LRRN1: variants seen among roughly 807,000 people sequenced by gnomAD.
The protein encoded by LRRN1 is leucine-rich repeat neuronal protein 1.
A neutral mutation model predicts 45.8 loss-of-function variants in LRRN1; 14 were observed. That is an observed-to-expected ratio of 0.31 (90% CI 0.20 to 0.48). LRRN1 has a LOEUF of 0.48. Ranked by LOEUF, LRRN1 falls within the 20% of genes least tolerant of loss-of-function variation. LRRN1 has a pLI of 0.99. For missense variants in LRRN1, 789 were observed against 874.2 expected, an observed-to-expected ratio of 0.90 and a Z score of 1.23; for synonymous variants, 359 against 330.1, an observed-to-expected ratio of 1.09 and a Z score of -0.95.
At chr3:3,812,535 C>T (rs1202466597) in intron 1 of LRRN1, among the ~76,000 whole-genome samples, 1 of 152,132 alleles carries the variant, frequency 6.6e-6, no homozygotes, top group Non-Finnish European at 1.5e-5. Flanking sequence ...TTCCAAAGTG[C>T]ACTTGGAGTT....
At chr3:3,826,825 G>A (rs772424028) in intron 1 of LRRN1, among the ~76,000 whole-genome samples, 12 of 152,240 alleles carry the variant, frequency 7.9e-5, no homozygotes, top group African/African-American at 1.9e-4. Flanking sequence ...CAGATTCAGC[G>A]TTCAGATCGT....
At chr3:3,813,278 C>T (rs1692918711) in intron 1 of LRRN1, among the ~76,000 whole-genome samples, 1 of 152,126 alleles carries the variant, frequency 6.6e-6, no homozygotes, top group African/African-American at 2.4e-5. Context: ...ATTGATTTGT[C>T]CTCAGTGGAG....
chr3:3,812,107 T>C (rs1227239772), intron 1 of LRRN1, among the ~76,000 whole-genome samples: 1 of 152,220 alleles, frequency 6.6e-6, no homozygotes, highest in Non-Finnish European at 1.5e-5. Context: ...TTGGCAGATA[T>C]CTACAGCCCC....
intron 1 of LRRN1, among the ~76,000 whole-genome samples, chr3:3,830,727 G>A (rs936240836): frequency 6.6e-5 from 10 of 152,280 alleles, no homozygotes; most frequent in East Asian, 1.9e-4. Flanking sequence ...GCCCGATCAT[G>A]TATATACCAC....
In LRRN1 at chr3:3,846,050, A is replaced by C; in HGVS notation, c.1409A>C (p.Glu470Ala). ...VTPIGNKITVETLSDKYKLSS... is the reference protein window; with the variant it reads ...VTPIGNKITVATLSDKYKLSS... ...CCCATTGGAAATAAGATAACTGTGGAAACCCTTTCAGATAAATACAAGCTA... is the reference window on the plus strand; with the variant it reads ...CCCATTGGAAATAAGATAACTGTGGCAACCCTTTCAGATAAATACAAGCTA... The change falls in exon 2 of 2, where the codon GAA becomes GCA. Residue 470 changes from glutamate (E) to alanine (A), a missense_variant. Transcript: ENST00000319331. This position sits in a 1 kb window ranked among gnomAD's most constrained non-coding sequence, Gnocchi z 5.7. 1 of 1,614,166 alleles carries C rather than the reference A, an allele frequency of 6.2e-7. No individual in the cohort carries two copies. Among genetic ancestry groups the C allele is most frequent in the African/African-American group, 1.3e-5 (1 of 75,064 alleles).
Position 3,844,470 on chromosome 3 carries a change from T to G in LRRN1, c.-172T>G. The G allele has an allele frequency of 1.7e-6, 1 of 581,146 alleles. No homozygotes were observed. The highest frequency in any genetic ancestry group is 3.0e-6 in the Non-Finnish European group (1 of 334,292). 36.0% of individuals were successfully genotyped at this position (581,146 alleles called of 1,614,324 possible). ...AAAGACTCCAAGTTGCTTTCTGCCT[T>G]TTGAAAACTCCTGAAAACCATCCCT... On this transcript the variant is annotated 5_prime_UTR_variant, in exon 2 of 2. Transcript: ENST00000319331.
chr3:3,838,563 G>A (rs867522179), intron 1 of LRRN1, among the ~76,000 whole-genome samples: 2 of 152,126 alleles, frequency 1.3e-5, no homozygotes, highest in Admixed American at 6.5e-5. Context: ...GGACATAATC[G>A]TATGGTGATT....
intron 1 of LRRN1, among the ~76,000 whole-genome samples, chr3:3,834,540 A>ATCCTG (rs1693457020): frequency 8.8e-6 from 1 of 113,536 alleles, no homozygotes; most frequent in Non-Finnish European, 1.8e-5. Flanking sequence ...ATATATATAT[A>ATCCTG]TATATATATA....
At chr3:3,833,564 C>T (rs1214917221) in intron 1 of LRRN1, among the ~76,000 whole-genome samples, 3 of 152,016 alleles carry the variant, frequency 2.0e-5, no homozygotes, top group Non-Finnish European at 2.9e-5. Flanking sequence ...TGCAGCTCCT[C>T]GTGGGTCACA....
chr3:3,827,289 C>G (rs1693243436), intron 1 of LRRN1: 1 of 236,266 alleles, frequency 4.2e-6, no homozygotes, highest in African/African-American at 2.2e-5. Flanking sequence ...TCTCCAGAAG[C>G]CGCATTCTTA....
intron 1 of LRRN1, among the ~76,000 whole-genome samples, chr3:3,804,842 A>C (rs1682913): frequency 0.77 from 117,451 of 152,098 alleles, 47,172 homozygotes; most frequent in Non-Finnish European, 0.88. Flanking sequence ...ATTTTGTAGA[A>C]CTGGGAGTAA....
chr3:3,845,123 A>C lies in LRRN1; in HGVS notation c.482A>C (p.His161Pro), dbSNP rs752672648. The change falls in exon 2 of 2, where the codon CAT (histidine) becomes CCT (proline). Residue 161 changes from histidine (H) to proline (P), a missense_variant. By Grantham distance (77) the His-to-Pro change is moderately conservative. Coordinates refer to ENST00000319331, the MANE Select transcript of LRRN1 (RefSeq NM_020873.7). This position sits in a 1 kb window ranked among gnomAD's most constrained non-coding sequence, Gnocchi z 6.5. ...NHNQISTISAHAFAGLKNLLR... is the reference protein window; with the variant it reads ...NHNQISTISAPAFAGLKNLLR... ...AACCAAATTAGCACTATTTCTGCTC[A>C]TGCTTTTGCAGGCTTAAAAAATCTA... 1 of 1,614,070 alleles carries C rather than the reference A, an allele frequency of 6.2e-7. No homozygotes were observed. Among genetic ancestry groups the C allele is most frequent in the Non-Finnish European group, 8.5e-7 (1 of 1,180,034 alleles).
Position 3,820,302 on chromosome 3 carries a change from C to T in LRRN1, c.-279+20383C>T, listed in dbSNP as rs1467564518. Among the ~76,000 whole-genome samples, 7 of 152,214 alleles carry T rather than the reference C, an allele frequency of 4.6e-5. No individual in the cohort carries two copies. In the South Asian group the frequency reaches 6.2e-4, roughly 14 times the overall value. ...TATTTGTGCATTCAACAGTCATTTT[C>T]GAGTACCTGCTCTAGGGCTAGCATT... On this transcript the variant is annotated intron_variant, in intron 1 of 1. Transcript: ENST00000319331.
chr3:3,833,628 C>T lies in LRRN1; in HGVS notation c.-278-10736C>T, dbSNP rs546942749. Reference sequence around the variant, plus strand: ...GGGATTTTAGTTATAGGTCTAGAAGCAAACAGGGGTATTAGGGGTGGCTCC... The same window carrying T: ...GGGATTTTAGTTATAGGTCTAGAAGTAAACAGGGGTATTAGGGGTGGCTCC... On this transcript the variant is annotated intron_variant, in intron 1 of 1. Coordinates refer to ENST00000319331, the MANE Select transcript of LRRN1 (RefSeq NM_020873.7). Among the ~76,000 whole-genome samples, 7 of 152,286 alleles carry T rather than the reference C, an allele frequency of 4.6e-5. No individual in the cohort carries two copies. The South Asian group carries it at 1.5e-3, about 32-fold the overall frequency.
In LRRN1 at chr3:3,844,978, G is replaced by C. The variant is rs778114326; in HGVS notation, c.337G>C (p.Val113Leu). 18 of 1,613,976 alleles carry C rather than the reference G, an allele frequency of 1.1e-5. No homozygotes were observed. The highest frequency in any genetic ancestry group is 1.6e-4 in the Middle Eastern group (1 of 6,084). ...AAACAACTTTACTAACATTAAGGAG[G>C]TCGGGCTGGCAAACCTAACCCAGCT... Reference protein sequence around the residue: ...SQNNFTNIKEVGLANLTQLTT... With the variant: ...SQNNFTNIKELGLANLTQLTT... Residue 113 changes from valine (V) to leucine (L), a missense_variant, in exon 2 of 2, where the codon GTC (valine) becomes CTC (leucine). By Grantham distance (32) the Val-to-Leu change is conservative. Coordinates refer to ENST00000319331, the MANE Select transcript of LRRN1 (RefSeq NM_020873.7).
At chr3:3,824,796 T>A (rs115944513) in intron 1 of LRRN1, among the ~76,000 whole-genome samples, 2,144 of 152,236 alleles carry the variant, frequency 0.014, 51 homozygotes, top group African/African-American at 0.049. Context: ...AGCAAAGCAA[T>A]GTGGGATTGT....
intron 1 of LRRN1, among the ~76,000 whole-genome samples, chr3:3,833,612 G>A (rs1018402567): frequency 7.2e-5 from 11 of 152,284 alleles, no homozygotes; most frequent in Middle Eastern, 3.4e-3. Flanking sequence ...CGGGATTTTA[G>A]TTATAGGTCT....
Position 3,832,879 on chromosome 3 carries a change from GATTA to G in LRRN1, c.-278-11480_-278-11477del, listed in dbSNP as rs576712136. ...TCAATTTCACTTCTAGGAACACCGT[GATTA>G]ATTAGCCAATGGCAGAGCTCTACAT... is the stretch of plus-strand genomic sequence containing the variant. On this transcript the variant is annotated intron_variant, in intron 1 of 1. Coordinates refer to ENST00000319331, the MANE Select transcript of LRRN1 (RefSeq NM_020873.7). 2.5e-4 allele frequency among the ~76,000 whole-genome samples: 38 copies of G among 152,286 alleles called. 1 individual carries two copies. Among genetic ancestry groups the G allele is most frequent in the Non-Finnish European group, 4.7e-4 (32 of 68,032 alleles).
At chr3:3,826,718 A>G (rs1693224132) in intron 1 of LRRN1, among the ~76,000 whole-genome samples, 1 of 152,116 alleles carries the variant, frequency 6.6e-6, no homozygotes, top group African/African-American at 2.4e-5. Context: ...CAGGAACATA[A>G]TTTTGGAAAA....
Sources: allele counts gnomAD v4.1 joint callset (sites outside exome capture counted in the v4.1 genomes callset), GRCh38; gene constraint gnomAD v4.1.1; non-coding constraint Gnocchi (gnomAD v3.1); transcripts MANE v1.5; gene names NCBI Gene and HGNC (gene_info 2026-07-23, HGNC 2026-07-21).